STRN4: variants seen among roughly 807,000 people sequenced by gnomAD.
STRN4 encodes the protein striatin-4.
In STRN4, 27 loss-of-function variants were observed where a neutral mutation model predicts 77.9. The ratio of observed to expected loss-of-function variants is 0.35; its 90% CI spans 0.26 to 0.48. STRN4 has a LOEUF of 0.48. Ranked by LOEUF, STRN4 falls within the 20% of genes least tolerant of loss-of-function variation. The pLI, the probability that STRN4 is intolerant of heterozygous loss-of-function variation, is 0.99. For synonymous variants in STRN4, 466 were observed against 443.1 expected (o/e 1.05, Z -0.65); for missense variants, 798 against 1,049.7 (o/e 0.76, Z 3.31).
chr19:46,729,120 C>T (rs1284041398), intron 6 of STRN4, among the ~76,000 whole-genome samples: 1 of 152,200 alleles, frequency 6.6e-6, no homozygotes, highest in African/African-American at 2.4e-5. Flanking sequence ...TGTGAATATA[C>T]GGAGGTGCAA....
rs150988144 is a variant in STRN4, at chr19:46,720,707, G to A, written c.2157C>T (p.Ala719=). Residue 719 remains alanine (A), a synonymous_variant, in exon 17 of 18, where the codon GCC becomes GCT. Coordinates refer to ENST00000263280, the MANE Select transcript of STRN4 (RefSeq NM_013403.3). ...DNKTCVQEIT[A]HRKKHEEAIH... ...TGGCCTCCTCGTGCTTCTTGCGGTG[G>A]GCCGTGATCTCCTGCACGCACGTTT... 501 of 1,610,634 alleles carry A rather than the reference G, an allele frequency of 3.1e-4. No individual in the cohort carries two copies. Among genetic ancestry groups the A allele is most frequent in the Non-Finnish European group, 4.0e-4 (468 of 1,178,204 alleles).
rs369933808 is a variant in STRN4 at position 46,722,821 on chromosome 19, C to T, written c.1895G>A (p.Arg632Gln). ...VGSALLTLES[R>Q]GSSGPTQINQ... Reference sequence around the variant, plus strand: ...GTCAGCCCCCTTACCGCTGCTGCCCCGGGACTCCAGCGTGAGGAGGGCACT... The same window carrying T: ...GTCAGCCCCCTTACCGCTGCTGCCCTGGGACTCCAGCGTGAGGAGGGCACT... The change falls in exon 14 of 18, where the codon CGG becomes CAG. Residue 632 changes from arginine to glutamine, a missense_variant. By Grantham distance (43) the Arg-to-Gln change is conservative. Transcript: ENST00000263280. 24 of 1,613,682 alleles carry T rather than the reference C, an allele frequency of 1.5e-5. No homozygotes were observed. The highest frequency in any genetic ancestry group is 1.9e-5 in the Non-Finnish European group (23 of 1,179,996).
At chr19:46,746,098 C>T in intron 1 of STRN4, 51 bp downstream of exon 1, 1 of 1,389,384 alleles carries the variant, frequency 7.2e-7, no homozygotes, top group Non-Finnish European at 9.3e-7. Flanking sequence ...CGGGTGAGGC[C>T]GGGCCGGGCC....
Position 46,720,646 on chromosome 19 carries a change from T to C in STRN4, c.2218A>G (p.Ile740Val), listed in dbSNP as rs1182307987. Residue 740 changes from isoleucine to valine, a missense_variant, in exon 17 of 18, where the codon ATT becomes GTT. Coordinates refer to ENST00000263280, the MANE Select transcript of STRN4 (RefSeq NM_013403.3). ...AGGGCATCAGCGCCAGCACTGGCAA[T>C]GAGGGCCTTGCTGGGGTGGCAGGCA... The part of the protein sequence containing the change: ...AVACHPSKAL[I>V]ASAGADALAK... 5 of 1,608,336 alleles carry C rather than the reference T, an allele frequency of 3.1e-6. No individual in the cohort carries two copies. The highest frequency in any genetic ancestry group is 1.1e-5 in the South Asian group (1 of 89,980).
Position 46,728,626 on chromosome 19 carries a change from T to C in STRN4, c.1031A>G (p.His344Arg), listed in dbSNP as rs140734081. The C allele has an allele frequency of 2.5e-6, 4 of 1,613,080 alleles. No homozygotes were observed. In the African/African-American group the frequency reaches 5.3e-5, roughly 22 times the overall value. ...AGAAAACGTCAGCTCACCCAGCTCATGGGGGCTCCCATCCACAGTGCACCG... is the reference window on the plus strand; with the variant it reads ...AGAAAACGTCAGCTCACCCAGCTCACGGGGGCTCCCATCCACAGTGCACCG... ...PRRCTVDGSP[H>R]ELESRRVKLQ... The change falls in exon 7 of 18, where the codon CAT (histidine) becomes CGT (arginine). Residue 344 changes from histidine to arginine, a missense_variant. Transcript: ENST00000263280.
At chr19:46,729,857 G>C (rs550497371) in intron 6 of STRN4, among the ~76,000 whole-genome samples, 19 of 152,340 alleles carry the variant, frequency 1.2e-4, no homozygotes, top group Middle Eastern at 6.8e-3. Flanking sequence ...AGGGTGAGGA[G>C]ACTGAAGCCA....
chr19:46,725,425 C>A, intron 10 of STRN4, 46 bp from the exon 11 acceptor site: 1 of 1,613,900 alleles, frequency 6.2e-7, no homozygotes, highest in Non-Finnish European at 8.5e-7. Flanking sequence ...CCCTGTCACC[C>A]CCGTCCCCAG....
At chr19:46,732,983 C>T (rs2122315528) in intron 5 of STRN4, 56 bp downstream of exon 5, 1 of 1,561,240 alleles carries the variant, frequency 6.4e-7, no homozygotes, top group Non-Finnish European at 8.7e-7. Flanking sequence ...TGACCCTGGC[C>T]TTCACCAGCA....
Position 46,723,521 on chromosome 19 carries a change from T to C in STRN4, c.1595-237A>G, listed in dbSNP as rs940584772. Reference sequence around the variant, plus strand: ...GCTCCAGAAGGCAGGGATTTCCCTCTATTCACAGCTGTCTCCCCAAGCAGG... The same window carrying C: ...GCTCCAGAAGGCAGGGATTTCCCTCCATTCACAGCTGTCTCCCCAAGCAGG... On this transcript the variant is annotated intron_variant, in intron 12 of 17. Transcript: ENST00000263280. This position sits in a 1 kb window ranked among gnomAD's most constrained non-coding sequence, Gnocchi z 5.5. Among the ~76,000 whole-genome samples, 1 of 152,174 alleles carries C rather than the reference T, an allele frequency of 6.6e-6. No individual in the cohort carries two copies. Among genetic ancestry groups the C allele is most frequent in the Non-Finnish European group, 1.5e-5 (1 of 68,016 alleles).
At chr19:46,725,839 G>A in intron 9 of STRN4, 191 bp from the exon 10 acceptor site, 1 of 702,368 alleles carries the variant, frequency 1.4e-6, no homozygotes, top group Non-Finnish European at 2.3e-6. Flanking sequence ...CGCCCAACAA[G>A]TCCCCACACT....
chr19:46,724,436 G>A (rs1640779570), intron 12 of STRN4, among the ~76,000 whole-genome samples: 1 of 152,150 alleles, frequency 6.6e-6, no homozygotes, highest in South Asian at 2.1e-4. Context: ...CCTCAACCAC[G>A]CAGAGACCCT....
chr19:46,729,840 C>A (rs2054208421), intron 6 of STRN4, among the ~76,000 whole-genome samples: 2 of 152,188 alleles, frequency 1.3e-5, no homozygotes, highest in African/African-American at 2.4e-5. Context: ...GACTCAGCCC[C>A]ATCTAAAGGG....
Position 46,738,900 on chromosome 19 carries a change from G to A in STRN4, c.283-12C>T, listed in dbSNP as rs750939578. 1.4e-5 allele frequency: 23 copies of A among 1,611,096 alleles called. No homozygotes were observed. The South Asian group carries it at 2.0e-4, about 14-fold the overall frequency. ...AAGGCCACCTGAGCCTGGGAGGGCAGACAGGAGGCAAAGGGAGATAATGGG... is the reference window on the plus strand; with the variant it reads ...AAGGCCACCTGAGCCTGGGAGGGCAAACAGGAGGCAAAGGGAGATAATGGG... On this transcript the variant is annotated splice_polypyrimidine_tract_variant and intron_variant, in intron 1 of 17. Coordinates refer to ENST00000263280, the MANE Select transcript of STRN4 (RefSeq NM_013403.3). The surrounding 1 kb of genome is among the most constrained non-coding windows in gnomAD (Gnocchi z 4.5).
chr19:46,720,979 TTCTTGAGCAGCTAC>T, intron 16 of STRN4: 1 of 479,572 alleles, frequency 2.1e-6, no homozygotes, highest in Non-Finnish European at 3.4e-6. Context: ...CCCCCAGCAT[TTCTTGAGCAGCTAC>T]TGCACACTGA....
rs775018367 is a variant in STRN4 at position 46,727,983 on chromosome 19, C to T, written c.1064G>A (p.Gly355Asp). 4.3e-6 allele frequency: 7 copies of T among 1,613,896 alleles called. No individual in the cohort carries two copies. Among genetic ancestry groups the T allele is most frequent in the African/African-American group, 1.3e-5 (1 of 74,942 alleles). ...ELESRRVKLQ[G>D]ILADLRDVDG... is the part of the protein sequence containing the mutation. ...CACATCCCGCAGGTCAGCCAGAATG[C>T]CTTGGAGTTTGACCCGACGGCTTTC... Residue 355 changes from glycine to aspartate, a missense_variant, in exon 8 of 18, where the codon GGC (glycine) becomes GAC (aspartate). By Grantham distance (94) the Gly-to-Asp change is moderately conservative. Transcript: ENST00000263280.
At chr19:46,724,778 G>A (rs372952240) in intron 12 of STRN4, 29 bp downstream of exon 12, 117 of 1,613,694 alleles carry the variant, frequency 7.3e-5, no homozygotes, top group Non-Finnish European at 8.8e-5. Flanking sequence ...CAGTGGATGT[G>A]AGGGGAAGGC....
Position 46,733,377 on chromosome 19 carries a change from C to T in STRN4, c.540-141G>A. 1.4e-6 allele frequency: 1 copy of T among 720,688 alleles called. No homozygotes were observed. The highest frequency in any genetic ancestry group is 2.3e-6 in the Non-Finnish European group (1 of 434,786). The allele number at this position is 720,688 out of a possible 1,614,324, so 44.6% of individuals were successfully genotyped here. A position where few individuals can be genotyped will look rare whatever the true frequency, so the allele number is the denominator to read the frequency against. Reference sequence around the variant, plus strand: ...ATCTGACATAAGCACACCCTCGCTCCAGCAGTTCCCCGTCAAGGCTATTTC... The same window carrying T: ...ATCTGACATAAGCACACCCTCGCTCTAGCAGTTCCCCGTCAAGGCTATTTC... On this transcript the variant is annotated intron_variant, in intron 4 of 17. Transcript: ENST00000263280. This position sits in a 1 kb window ranked among gnomAD's most constrained non-coding sequence, Gnocchi z 4.3.
chr19:46,731,055 A>C, intron 5 of STRN4, 182 bp from the exon 6 acceptor site: 20 of 817,880 alleles, frequency 2.4e-5, no homozygotes, highest in Non-Finnish European at 3.7e-5. Flanking sequence ...ACAAATGCTC[A>C]TTCCAACTGG....
intron 15 of STRN4, 53 bp downstream of exon 15, chr19:46,722,189 T>G: frequency 1.2e-6 from 2 of 1,600,412 alleles, no homozygotes; most frequent in South Asian, 1.1e-5. Context: ...GCATCTCTGC[T>G]GCCTGCCTCT....
Sources: allele counts gnomAD v4.1 joint callset (sites outside exome capture counted in the v4.1 genomes callset), GRCh38; gene constraint gnomAD v4.1.1; non-coding constraint Gnocchi (gnomAD v3.1); transcripts MANE v1.5; gene names NCBI Gene and HGNC (gene_info 2026-07-23, HGNC 2026-07-21).